PDE4B: variants seen among roughly 807,000 people sequenced by gnomAD.
PDE4B encodes the protein 3',5'-cyclic-AMP phosphodiesterase 4B.
PDE4B carries 20 observed loss-of-function variants against 82.2 expected under a neutral mutation model. The ratio of observed to expected loss-of-function variants is 0.24; its 90% CI spans 0.17 to 0.35. The LOEUF (loss-of-function observed/expected upper bound fraction) is 0.35, where lower values mean the gene tolerates loss of function less well. PDE4B is among the 10% of genes least tolerant of loss of function. The pLI, the probability that PDE4B is intolerant of heterozygous loss-of-function variation, is 1.00. For missense variants in PDE4B, 655 were observed against 907.2 expected (o/e 0.72, Z 3.57); for synonymous variants, 320 against 318.9 (o/e 1.00, Z -0.04).
chr1:65,922,669 G>A (rs959911303), intron 3 of PDE4B, among the ~76,000 whole-genome samples: 2 of 152,066 alleles, frequency 1.3e-5, no homozygotes, highest in Non-Finnish European at 2.9e-5. Context: ...TCCTACTCAC[G>A]TGAGAAAGTA....
intron 1 of PDE4B, among the ~76,000 whole-genome samples, chr1:65,872,326 T>C (rs1646582637): frequency 6.6e-6 from 1 of 152,068 alleles, no homozygotes; most frequent in Non-Finnish European, 1.5e-5. Context: ...TAATGACAAA[T>C]AATGAACTGC....
At chr1:66,314,270 A>G (rs535862212) in intron 7 of PDE4B, among the ~76,000 whole-genome samples, 1 of 152,276 alleles carries the variant, frequency 6.6e-6, no homozygotes, top group Admixed American at 6.5e-5. Flanking sequence ...TCCTCCTGCC[A>G]GCTTCATAGT....
intron 1 of PDE4B, among the ~76,000 whole-genome samples, chr1:65,863,584 G>A (rs1646478321): frequency 6.6e-6 from 1 of 152,140 alleles, no homozygotes; most frequent in African/African-American, 2.4e-5. Flanking sequence ...TTGTTGATCT[G>A]TGTAATATTG....
chr1:66,313,840 C>T (rs1163110051), intron 7 of PDE4B, among the ~76,000 whole-genome samples: 1 of 152,142 alleles, frequency 6.6e-6, no homozygotes, highest in African/African-American at 2.4e-5. Flanking sequence ...AGTTGTAATC[C>T]TTCGCAGCAA....
intron 3 of PDE4B, among the ~76,000 whole-genome samples, chr1:66,201,492 G>C (rs1456365744): frequency 6.6e-6 from 1 of 151,970 alleles, no homozygotes; most frequent in African/African-American, 2.4e-5. Context: ...CTTTTTGGTT[G>C]GTAAGCTATT....
intron 1 of PDE4B, among the ~76,000 whole-genome samples, chr1:65,908,751 A>G (rs1401774171): frequency 6.6e-6 from 1 of 152,080 alleles, no homozygotes; most frequent in Non-Finnish European, 1.5e-5. Context: ...CCCCAGTGTG[A>G]AAGCTCCTAC....
At chr1:65,836,581 A>T (rs1166375638) in intron 1 of PDE4B, among the ~76,000 whole-genome samples, 3 of 152,136 alleles carry the variant, frequency 2.0e-5, no homozygotes, top group African/African-American at 7.2e-5. Flanking sequence ...ATGCTCACAC[A>T]TACTAAGCTA....
chr1:66,129,832 C>A (rs1335616502), intron 3 of PDE4B, among the ~76,000 whole-genome samples: 2 of 152,076 alleles, frequency 1.3e-5, no homozygotes, highest in African/African-American at 4.8e-5. Flanking sequence ...ATAAAAAGCA[C>A]TGTGATGCTA....
intron 3 of PDE4B, among the ~76,000 whole-genome samples, chr1:66,034,615 C>T (rs7522003): frequency 0.69 from 105,130 of 152,032 alleles, 38,633 homozygotes; most frequent in Non-Finnish European, 0.83. Context: ...AAAAATTCTG[C>T]ACAAACTTCA....
chr1:66,316,505 C>T (rs991867260), intron 7 of PDE4B, among the ~76,000 whole-genome samples: 26 of 152,162 alleles, frequency 1.7e-4, no homozygotes, highest in African/African-American at 5.6e-4. Flanking sequence ...AAGCTGGCAA[C>T]AAGAGGCCAA....
chr1:65,898,227 A>T (rs1005264593), intron 1 of PDE4B, among the ~76,000 whole-genome samples: 3 of 151,804 alleles, frequency 2.0e-5, no homozygotes, highest in Non-Finnish European at 4.4e-5. Context: ...TCTGGATATT[A>T]TACCTTTGTC....
intron 3 of PDE4B, among the ~76,000 whole-genome samples, chr1:66,154,145 T>TC (rs1268903286): frequency 6.6e-6 from 1 of 152,158 alleles, no homozygotes; most frequent in Non-Finnish European, 1.5e-5. Context: ...CTCCCCTTGG[T>TC]CCCAATAGCA....
chr1:66,151,523 C>G (rs79938471), intron 3 of PDE4B, among the ~76,000 whole-genome samples: 2,130 of 152,260 alleles, frequency 0.014, 42 homozygotes, highest in African/African-American at 0.049. Context: ...TAAGGCTGCT[C>G]TTATTTCATG....
intron 3 of PDE4B, among the ~76,000 whole-genome samples, chr1:66,105,730 G>A (rs1366932330): frequency 2.0e-5 from 3 of 151,998 alleles, no homozygotes; most frequent in African/African-American, 4.8e-5. Context: ...CTCATGATTG[G>A]CTCTCTGTTT....
intron 3 of PDE4B, among the ~76,000 whole-genome samples, chr1:66,131,135 T>C (rs1434378335): frequency 6.6e-6 from 1 of 152,158 alleles, no homozygotes; most frequent in East Asian, 1.9e-4. Context: ...TCAAAATTAG[T>C]CAAAAGTGTT....
intron 3 of PDE4B, among the ~76,000 whole-genome samples, chr1:66,153,104 C>G (rs1646435579): frequency 6.6e-6 from 1 of 152,168 alleles, no homozygotes; most frequent in Admixed American, 6.5e-5. Context: ...ATGGAACATG[C>G]TTCCCTCTCC....
chr1:66,207,151 G>T (rs1406833874), intron 3 of PDE4B, among the ~76,000 whole-genome samples: 1 of 152,134 alleles, frequency 6.6e-6, no homozygotes, highest in East Asian at 1.9e-4. Context: ...GGAGTTAAAA[G>T]ATTAGGATTT....
intron 3 of PDE4B, among the ~76,000 whole-genome samples, chr1:66,118,687 C>T (rs2101071661): frequency 6.6e-6 from 1 of 152,104 alleles, no homozygotes; most frequent in Admixed American, 6.5e-5. Flanking sequence ...GCATGTTGTG[C>T]ACATGTACCC....
intron 3 of PDE4B, among the ~76,000 whole-genome samples, chr1:66,026,848 A>G (rs925318935): frequency 5.9e-5 from 9 of 152,182 alleles, no homozygotes; most frequent in African/African-American, 2.2e-4. Context: ...AAACCAACCA[A>G]TTATGGCGTC....
Sources: allele counts gnomAD v4.1 joint callset (sites outside exome capture counted in the v4.1 genomes callset), GRCh38; gene constraint gnomAD v4.1.1; transcripts MANE v1.5; gene names NCBI Gene and HGNC (gene_info 2026-07-23, HGNC 2026-07-21).